Variants in ABCD3 observed in about 807,000 individuals in gnomAD.
ABCD3 encodes ATP-binding cassette sub-family D member 3.
ABCD3 carries 41 observed loss-of-function variants against 105.5 expected under a neutral mutation model. That is an observed-to-expected ratio of 0.39 (90% CI 0.30 to 0.50). ABCD3 has a LOEUF of 0.50. ABCD3 is among the 20% of genes least tolerant of loss of function. The pLI is 0.84. For synonymous variants in ABCD3, 258 were observed against 269.0 expected (o/e 0.96, Z 0.40); for missense variants, 622 against 806.3 (o/e 0.77, Z 2.77).
At chr1:94,393,565 G>C in the ABCD3 span, among the ~76,000 whole-genome samples, 1 of 152,004 alleles carries the variant, frequency 6.6e-6, no homozygotes, top group Non-Finnish European at 1.5e-5. Flanking sequence ...CTTGAACCTG[G>C]GAGGAGGAGG....
intron 4 of ABCD3, among the ~76,000 whole-genome samples, chr1:94,469,281 G>T (rs1648321981): frequency 6.6e-6 from 1 of 151,994 alleles, no homozygotes; most frequent in Admixed American, 6.5e-5. Flanking sequence ...GTGAGAATTA[G>T]CTCTTTTACA....
chr1:94,388,302 G>T, the ABCD3 span, among the ~76,000 whole-genome samples: 1 of 152,150 alleles, frequency 6.6e-6, no homozygotes, highest in Non-Finnish European at 1.5e-5. Flanking sequence ...CCCGCACAAA[G>T]ATATATTGTT....
In ABCD3 at chr1:94,477,529, A is replaced by G. The variant is rs150156179; in HGVS notation, c.628-730A>G. ...TACTCCCAGCTACTCCAGAGGCTGC[A>G]GTGAGCCAAGATCTCCAGCCTGGGT... is the stretch of plus-strand genomic sequence containing the variant. On this transcript the variant is annotated intron_variant, in intron 7 of 22. Transcript: ENST00000370214. 3.7e-3 allele frequency among the ~76,000 whole-genome samples: 559 copies of G among 152,178 alleles called. 1 individual carries two copies. The highest frequency in any genetic ancestry group is 0.013 in the African/African-American group (532 of 41,532).
chr1:94,488,672 C>T (rs1297027725), intron 13 of ABCD3, among the ~76,000 whole-genome samples: 1 of 151,932 alleles, frequency 6.6e-6, no homozygotes. Context: ...CAGTTATGGT[C>T]TTCATGCAAT....
chr1:94,480,326 C>A, intron 8 of ABCD3, 138 bp from the exon 9 acceptor site: 3 of 1,026,888 alleles, frequency 2.9e-6, no homozygotes, highest in Non-Finnish European at 4.3e-6. Context: ...AGAAAAAAAA[C>A]AAAGGGAAAA....
At chr1:94,434,608 G>T (rs1322208474) in intron 1 of ABCD3, among the ~76,000 whole-genome samples, 5 of 152,138 alleles carry the variant, frequency 3.3e-5, no homozygotes, top group Non-Finnish European at 5.9e-5. Flanking sequence ...GACCACTGTT[G>T]TGTATGCATT....
chr1:94,418,736 C>T, intron 1 of ABCD3, 148 bp downstream of exon 1: 3 of 774,592 alleles, frequency 3.9e-6, no homozygotes, highest in Non-Finnish European at 6.2e-6. Flanking sequence ...ACTTCAATGT[C>T]AGGGTGTCCG....
chr1:94,454,437 AT>A (rs1254757794), intron 1 of ABCD3, among the ~76,000 whole-genome samples: 1 of 152,156 alleles, frequency 6.6e-6, no homozygotes, highest in African/African-American at 2.4e-5. Context: ...ACATGTTTGC[AT>A]TAAATCCTGG....
intron 16 of ABCD3, among the ~76,000 whole-genome samples, chr1:94,495,496 T>C (rs1352722511): frequency 6.6e-6 from 1 of 152,208 alleles, no homozygotes; most frequent in Non-Finnish European, 1.5e-5. Flanking sequence ...GACGTCATAA[T>C]TGGAAGTTTT....
At chr1:94,473,858 C>T (rs775843156) in intron 5 of ABCD3, 23 bp downstream of exon 5, 2 of 1,582,506 alleles carry the variant, frequency 1.3e-6, no homozygotes, top group Admixed American at 3.4e-5. Flanking sequence ...CATTAAAAAT[C>T]TTTTTAACAC....
intron 1 of ABCD3, among the ~76,000 whole-genome samples, chr1:94,420,968 C>T (rs1311374037): frequency 1.3e-5 from 2 of 152,080 alleles, no homozygotes; most frequent in African/African-American, 2.4e-5. Context: ...TACAGTGTAA[C>T]ATTATTCCAA....
At chr1:94,425,866 T>C (rs1659448073) in intron 1 of ABCD3, among the ~76,000 whole-genome samples, 1 of 152,214 alleles carries the variant, frequency 6.6e-6, no homozygotes, top group South Asian at 2.1e-4. Context: ...GAATAGTCTT[T>C]AGAGTCAGAT....
chr1:94,489,877 G>A (rs368076981), intron 14 of ABCD3, 26 bp from the exon 15 acceptor site: 158 of 1,610,846 alleles, frequency 9.8e-5, no homozygotes, highest in Non-Finnish European at 1.2e-4. Flanking sequence ...ATAATATGAT[G>A]CTTTAATACC....
the ABCD3 span, among the ~76,000 whole-genome samples, chr1:94,404,173 G>A: frequency 2.6e-5 from 4 of 151,726 alleles, no homozygotes; most frequent in East Asian, 3.9e-4. Flanking sequence ...TCCCTTCTTC[G>A]TCAGTGATAA....
intron 16 of ABCD3, among the ~76,000 whole-genome samples, chr1:94,494,021 C>T (rs907104044): frequency 6.6e-6 from 1 of 151,886 alleles, no homozygotes; most frequent in Non-Finnish European, 1.5e-5. Flanking sequence ...GTGCAGCACA[C>T]CAGCATGTCA....
intron 16 of ABCD3, among the ~76,000 whole-genome samples, chr1:94,492,828 G>C (rs1649598718): frequency 2.0e-5 from 3 of 152,192 alleles, no homozygotes; most frequent in Admixed American, 2.0e-4. Flanking sequence ...ACTTAGAATA[G>C]ATGGATCATG....
At chr1:94,401,700 G>A in the ABCD3 span, among the ~76,000 whole-genome samples, 60 of 152,134 alleles carry the variant, frequency 3.9e-4, no homozygotes, top group Middle Eastern at 3.4e-3. Flanking sequence ...CAAATTCCAG[G>A]GATGTTTAAG....
At chr1:94,504,371 G>GA (rs1650252015) in intron 20 of ABCD3, among the ~76,000 whole-genome samples, 1 of 152,144 alleles carries the variant, frequency 6.6e-6, no homozygotes, top group African/African-American at 2.4e-5. Context: ...GCCCTCCTCA[G>GA]CCCCACAAAG....
the ABCD3 span, among the ~76,000 whole-genome samples, chr1:94,408,364 C>G: frequency 2.6e-5 from 4 of 151,650 alleles, no homozygotes; most frequent in Non-Finnish European, 4.4e-5. Flanking sequence ...GGGGGGATCA[C>G]TTGAGGTGAG....
Sources: allele counts gnomAD v4.1 joint callset (sites outside exome capture counted in the v4.1 genomes callset), GRCh38; gene constraint gnomAD v4.1.1; transcripts MANE v1.5; gene names NCBI Gene and HGNC (gene_info 2026-07-23, HGNC 2026-07-21).